XRN2: variants seen among roughly 807,000 people sequenced by gnomAD.
XRN2 encodes the protein 5'-3' exoribonuclease 2, also known as DHM1-like protein.
XRN2 carries 44 observed loss-of-function variants against 138.5 expected under a neutral mutation model. The ratio of observed to expected loss-of-function variants is 0.32; its 90% confidence interval spans 0.25 to 0.41. XRN2 has a LOEUF of 0.41. Among genes scored for constraint, XRN2 ranks in the 10% least tolerant of loss-of-function variants. The pLI is 1.00. For synonymous variants in XRN2, 354 were observed against 369.4 expected, an observed-to-expected ratio of 0.96 and a Z score of 0.48; for missense variants, 937 against 1,169.3, an observed-to-expected ratio of 0.80 and a Z score of 2.90.
chr20:21,350,615 T>TTTAA (rs2038497814), intron 20 of XRN2, among the ~76,000 whole-genome samples: 1 of 151,036 alleles, frequency 6.6e-6, no homozygotes, highest in African/African-American at 2.4e-5. Context: ...TGCAGCAAAT[T>TTTAA]ATTTAACCTT....
intron 1 of XRN2, among the ~76,000 whole-genome samples, chr20:21,313,167 A>G (rs963429994): frequency 6.6e-6 from 1 of 152,218 alleles, no homozygotes; most frequent in African/African-American, 2.4e-5. Flanking sequence ...GACTTTATGT[A>G]AGTAATATTG....
At chr20:21,364,606 A>G (rs1000508200) in intron 24 of XRN2, among the ~76,000 whole-genome samples, 2 of 152,154 alleles carry the variant, frequency 1.3e-5, no homozygotes, top group African/African-American at 2.4e-5. Flanking sequence ...CAGGAGTTCA[A>G]GGCCATCCTG....
chr20:21,351,455 T>C (rs1257398757), intron 20 of XRN2, among the ~76,000 whole-genome samples: 2 of 152,222 alleles, frequency 1.3e-5, no homozygotes, highest in East Asian at 3.8e-4. Context: ...ATTTTGTTGT[T>C]GCATTATAGA....
chr20:21,361,077 C>T (rs1187947437), intron 24 of XRN2, among the ~76,000 whole-genome samples: 2 of 152,134 alleles, frequency 1.3e-5, no homozygotes, highest in African/African-American at 2.4e-5. Context: ...AACAGTAATA[C>T]TTAAAATAGC....
chr20:21,344,319 T>A lies in XRN2; in HGVS notation c.1529+111T>A, dbSNP rs571322965. On this transcript the variant is annotated intron_variant, in intron 16 of 29. Transcript: ENST00000377191. ...TGCCTTCAGATGCTTGCCTGTGATCTTTTTATCCATCAGTAATTAATGTGG... is the reference window on the plus strand; with the variant it reads ...TGCCTTCAGATGCTTGCCTGTGATCATTTTATCCATCAGTAATTAATGTGG... The A allele has an allele frequency of 5.5e-4, 409 of 746,182 alleles. 1 individual carries two copies. The highest frequency in any genetic ancestry group is 2.6e-3 in the Admixed American group (126 of 48,696). 46.2% of individuals were successfully genotyped at this position (746,182 alleles called of 1,614,324 possible).
At chr20:21,347,706 T>A (rs1489622595) in intron 17 of XRN2, among the ~76,000 whole-genome samples, 1 of 152,254 alleles carries the variant, frequency 6.6e-6, no homozygotes, top group East Asian at 1.9e-4. Context: ...ATGAAACTCA[T>A]GGCTGTTTTA....
At chr20:21,368,623 T>C (rs369706269) in intron 27 of XRN2, 33 bp downstream of exon 27, 25 of 1,607,896 alleles carry the variant, frequency 1.6e-5, no homozygotes, top group Non-Finnish European at 1.7e-5. Context: ...TTTTACATTA[T>C]AAATTAAATA....
intron 15 of XRN2, 146 bp downstream of exon 15, chr20:21,340,998 C>T: frequency 1.2e-6 from 1 of 852,426 alleles, no homozygotes; most frequent in East Asian, 2.7e-5. Context: ...ATGTTTAGTT[C>T]TGTTAAGTCC....
At chr20:21,331,399 TCACA>T (rs71806398) in intron 6 of XRN2, among the ~76,000 whole-genome samples, 158 bp from the exon 7 acceptor site, 10,332 of 143,740 alleles carry the variant, frequency 0.072, 335 homozygotes, top group East Asian at 0.12. Flanking sequence ...TTGGTGTTTT[TCACA>T]CACACACACA....
intron 14 of XRN2, among the ~76,000 whole-genome samples, chr20:21,339,324 C>T (rs1322654704): frequency 6.6e-6 from 1 of 152,120 alleles, no homozygotes; most frequent in Non-Finnish European, 1.5e-5. Flanking sequence ...TGGCAGTTAG[C>T]TATTTGAATG....
intron 20 of XRN2, among the ~76,000 whole-genome samples, chr20:21,353,609 A>C (rs1177055380): frequency 1.3e-5 from 2 of 151,968 alleles, no homozygotes; most frequent in Non-Finnish European, 2.9e-5. Flanking sequence ...TGCGTAACAC[A>C]AGGAGACCTC....
At chr20:21,344,646 A>G (rs2038413460) in intron 16 of XRN2, among the ~76,000 whole-genome samples, 1 of 152,226 alleles carries the variant, frequency 6.6e-6, no homozygotes, top group Admixed American at 6.5e-5. Flanking sequence ...TCAAAATGAA[A>G]TATGCAGAAA....
At chr20:21,352,519 T>G (rs530459763) in intron 20 of XRN2, among the ~76,000 whole-genome samples, 106 of 152,040 alleles carry the variant, frequency 7.0e-4, no homozygotes, top group Non-Finnish European at 1.3e-3. Flanking sequence ...TTTGTAGAGG[T>G]GGGATTTCAC....
intron 8 of XRN2, 52 bp from the exon 9 acceptor site, chr20:21,332,231 A>C: frequency 6.4e-7 from 1 of 1,573,728 alleles, no homozygotes; most frequent in Non-Finnish European, 8.6e-7. Flanking sequence ...TTATGGTAAG[A>C]CTTCTCTCAG....
chr20:21,342,890 G>A lies in XRN2; in HGVS notation c.1411-1200G>A, dbSNP rs185571502. 2.3e-3 allele frequency among the ~76,000 whole-genome samples: 349 copies of A among 152,136 alleles called. 1 individual carries two copies. Among genetic ancestry groups the A allele is most frequent in the Non-Finnish European group, 3.7e-3 (252 of 67,978 alleles). ...ACTAAAATACAACAATACCTGCCTC[G>A]TTTTCCAAGTACAACAGTGCCTTCC... On this transcript the variant is annotated intron_variant, in intron 15 of 29. Coordinates refer to ENST00000377191, the MANE Select transcript of XRN2 (RefSeq NM_012255.5).
intron 1 of XRN2, among the ~76,000 whole-genome samples, chr20:21,314,072 G>A (rs1331762743): frequency 4.6e-5 from 7 of 152,166 alleles, no homozygotes. Context: ...CCCTTTAGCT[G>A]TTGTCCCTCT....
chr20:21,306,791 C>T lies in XRN2; in HGVS notation c.75+3318C>T, dbSNP rs1228712026. Among the ~76,000 whole-genome samples, 4 of 74,978 alleles carry T rather than the reference C, an allele frequency of 5.3e-5. 2 individuals carry two copies. Among genetic ancestry groups the T allele is most frequent in the Non-Finnish European group, 1.2e-4 (4 of 32,002 alleles). 49.2% of individuals were successfully genotyped at this position (74,978 alleles called of 152,430 possible). On this transcript the variant is annotated intron_variant, in intron 1 of 29. Transcript: ENST00000377191. ...TTGGGAGGCTGAGGTGGGTGGATCA[C>T]GAGGTCAAGAGATCCAGACCATCCT...
intron 20 of XRN2, among the ~76,000 whole-genome samples, chr20:21,350,131 T>G (rs772293676): frequency 4.1e-4 from 62 of 152,340 alleles, no homozygotes; most frequent in South Asian, 1.2e-3. Flanking sequence ...TTTCATTCCA[T>G]TAACAGATTT....
chr20:21,322,292 A>G (rs1266917209), intron 1 of XRN2, among the ~76,000 whole-genome samples: 2 of 152,206 alleles, frequency 1.3e-5, no homozygotes, highest in Admixed American at 6.5e-5. Context: ...AAAAAATACT[A>G]ATCACCCATA....
Sources: allele counts gnomAD v4.1 joint callset (sites outside exome capture counted in the v4.1 genomes callset), GRCh38; gene constraint gnomAD v4.1.1; transcripts MANE v1.5; gene names NCBI Gene and HGNC (gene_info 2026-07-23, HGNC 2026-07-21).